SHISA9: variants seen among roughly 807,000 people sequenced by gnomAD.
SHISA9 encodes shisa family member 9, also known as protein shisa-9.
SHISA9 carries 13 observed loss-of-function variants against 38.0 expected under a neutral mutation model. That is an observed-to-expected ratio of 0.34 (90% CI 0.22 to 0.54). The LOEUF (loss-of-function observed/expected upper bound fraction) is 0.54. SHISA9 is among the 20% of genes least tolerant of loss of function. The pLI is 0.91. For synonymous variants in SHISA9, 275 were observed against 242.0 expected, an observed-to-expected ratio of 1.14 and a Z score of -1.27; for missense variants, 538 against 575.8, an observed-to-expected ratio of 0.93 and a Z score of 0.67.
At chr16:12,958,666 C>T (rs531178755) in intron 2 of SHISA9, among the ~76,000 whole-genome samples, 20 of 152,282 alleles carry the variant, frequency 1.3e-4, no homozygotes, top group African/African-American at 4.8e-4. Context: ...TTACAGTTTT[C>T]AAAGCCCTTT....
the SHISA9 span, among the ~76,000 whole-genome samples, chr16:13,385,234 C>T: frequency 2.0e-5 from 3 of 152,178 alleles, no homozygotes; most frequent in Admixed American, 1.3e-4. Context: ...CTCTGGAAAA[C>T]AGTTTGGTGT....
the SHISA9 span, among the ~76,000 whole-genome samples, chr16:13,457,905 A>G: frequency 2.6e-5 from 4 of 152,090 alleles, no homozygotes; most frequent in African/African-American, 9.7e-5. Flanking sequence ...CTTCCAAAGT[A>G]AAATATTTTT....
chr16:13,506,404 T>C, the SHISA9 span, among the ~76,000 whole-genome samples: 2 of 152,100 alleles, frequency 1.3e-5, no homozygotes, highest in Admixed American at 6.5e-5. Context: ...GAGGTAATGA[T>C]ATAGCATATT....
chr16:12,991,291 T>C (rs2072383088), intron 2 of SHISA9, among the ~76,000 whole-genome samples: 2 of 152,188 alleles, frequency 1.3e-5, no homozygotes, highest in African/African-American at 4.8e-5. Flanking sequence ...ACTCAGAACA[T>C]ACATTTTTGA....
intron 2 of SHISA9, among the ~76,000 whole-genome samples, chr16:12,952,024 C>T (rs951419489): frequency 8.5e-5 from 13 of 152,218 alleles, no homozygotes; most frequent in African/African-American, 2.2e-4. Context: ...CCCTGGAAGG[C>T]GGAGGCAGTG....
At chr16:13,347,859 A>G in the SHISA9 span, among the ~76,000 whole-genome samples, 3 of 151,608 alleles carry the variant, frequency 2.0e-5, no homozygotes, top group African/African-American at 4.9e-5. Context: ...AAAGATGTCC[A>G]CATCTTAATC....
intron 2 of SHISA9, among the ~76,000 whole-genome samples, chr16:12,993,251 G>C (rs903670853): frequency 3.9e-5 from 6 of 152,156 alleles, no homozygotes; most frequent in African/African-American, 1.4e-4. Flanking sequence ...GGCTGGGTTT[G>C]GTTGTAAAGA....
the SHISA9 span, among the ~76,000 whole-genome samples, chr16:13,470,698 A>T: frequency 6.6e-6 from 1 of 152,206 alleles, no homozygotes; most frequent in South Asian, 2.1e-4. Flanking sequence ...CAGCCAAACC[A>T]TATCAAAGAA....
chr16:12,988,173 A>G (rs1007730488), intron 2 of SHISA9, among the ~76,000 whole-genome samples: 1 of 152,222 alleles, frequency 6.6e-6, no homozygotes, highest in African/African-American at 2.4e-5. Flanking sequence ...AGGCACTGTG[A>G]CATTTCCAGA....
At chr16:13,316,522 T>C in the SHISA9 span, among the ~76,000 whole-genome samples, 1 of 152,116 alleles carries the variant, frequency 6.6e-6, no homozygotes, top group Non-Finnish European at 1.5e-5. Flanking sequence ...GCAGTAAAAA[T>C]GGAAACCATC....
At chr16:13,336,160 C>T in the SHISA9 span, among the ~76,000 whole-genome samples, 1 of 152,252 alleles carries the variant, frequency 6.6e-6, no homozygotes. Context: ...TCAGACCTGT[C>T]CAGGAGCAAG....
the SHISA9 span, among the ~76,000 whole-genome samples, chr16:13,345,569 C>A: frequency 6.6e-6 from 1 of 152,242 alleles, no homozygotes; most frequent in Admixed American, 6.5e-5. Context: ...AATGAACATA[C>A]ATGTGCATGT....
chr16:13,041,473 G>A (rs1022187841), intron 2 of SHISA9, among the ~76,000 whole-genome samples: 1 of 152,150 alleles, frequency 6.6e-6, no homozygotes, highest in Non-Finnish European at 1.5e-5. Flanking sequence ...ATTCCCTGTT[G>A]GAGCCACGTA....
intron 2 of SHISA9, among the ~76,000 whole-genome samples, chr16:13,115,966 A>G (rs16961160): frequency 0.05 from 7,618 of 152,152 alleles, 294 homozygotes; most frequent in East Asian, 0.17. Context: ...TTTAGGCCAA[A>G]TTCAAATACC....
chr16:13,290,148 G>A, the SHISA9 span, among the ~76,000 whole-genome samples: 1 of 152,052 alleles, frequency 6.6e-6, no homozygotes, highest in Non-Finnish European at 1.5e-5. Flanking sequence ...AAAATTTAGA[G>A]CCCATTTGTA....
chr16:13,073,241 T>G (rs2073540086), intron 2 of SHISA9, among the ~76,000 whole-genome samples: 1 of 144,710 alleles, frequency 6.9e-6, no homozygotes, highest in Non-Finnish European at 1.5e-5. Context: ...TTTTTTTTTG[T>G]ACAACAGGAC....
At chr16:13,244,717 G>A (rs1037074793), downstream of SHISA9, among the ~76,000 whole-genome samples, 2 of 152,164 alleles carry the variant, frequency 1.3e-5, no homozygotes, top group Non-Finnish European at 1.5e-5. Flanking sequence ...GACCTCTAAC[G>A]CCTGCATTGT....
At chr16:13,174,944 A>T (rs150077) in intron 2 of SHISA9, among the ~76,000 whole-genome samples, 33,321 of 152,180 alleles carry the variant, frequency 0.22, 3,908 homozygotes, top group Non-Finnish European at 0.27. Flanking sequence ...AGAGAAATTT[A>T]TGACTGGGTC....
At chr16:13,541,944 T>A in the SHISA9 span, among the ~76,000 whole-genome samples, 1,060 of 152,326 alleles carry the variant, frequency 7.0e-3, 6 homozygotes, top group African/African-American at 0.021. Context: ...TCAGAATGTG[T>A]CCTTATTTGA....
Sources: gnomAD v4.1 joint callset for allele counts (sites outside exome capture counted in the v4.1 genomes callset) on GRCh38, gnomAD v4.1.1 for gene constraint, MANE v1.5 for transcripts, NCBI Gene and HGNC (gene_info 2026-07-23, HGNC 2026-07-21) for gene names.